The following ULK4 variants were observed in gnomAD, a reference collection of about 807,000 sequenced individuals.
ULK4 encodes unc-51 like kinase 4.
Under a neutral mutation model 160.6 loss-of-function variants are expected in ULK4, and 133 were observed. That is an observed-to-expected ratio of 0.83 (90% CI 0.72 to 0.96). The LOEUF is 0.96. ULK4 is among the 40% of genes least tolerant of loss of function. The pLI, the probability that ULK4 is intolerant of heterozygous loss-of-function variation, is 0.00. For synonymous variants in ULK4, 534 were observed against 539.8 expected (o/e 0.99, Z 0.15); for missense variants, 1,580 against 1,499.5 (o/e 1.05, Z -0.89).
At chr3:41,924,576 C>T (rs1226877971) in intron 5 of ULK4, among the ~76,000 whole-genome samples, 1 of 152,128 alleles carries the variant, frequency 6.6e-6, no homozygotes, top group Non-Finnish European at 1.5e-5. Context: ...TACCATTGAC[C>T]TTGTTTTCTA....
chr3:41,432,724 A>T (rs1336711032), intron 34 of ULK4, among the ~76,000 whole-genome samples: 2 of 152,252 alleles, frequency 1.3e-5, no homozygotes, highest in Non-Finnish European at 2.9e-5. Context: ...CAAAGAAATG[A>T]TAATTTCATA....
chr3:41,514,224 G>A (rs574110409), intron 32 of ULK4, among the ~76,000 whole-genome samples: 2 of 152,140 alleles, frequency 1.3e-5, no homozygotes, highest in Non-Finnish European at 2.9e-5. Context: ...AGAGAACTGA[G>A]CCCAGTTAAA....
At chr3:41,939,186 A>C (rs1045199249) in intron 2 of ULK4, among the ~76,000 whole-genome samples, 4 of 146,222 alleles carry the variant, frequency 2.7e-5, no homozygotes, top group Non-Finnish European at 6.0e-5. Flanking sequence ...TTTGAGGAGG[A>C]GTCTCGCTCT....
At chr3:41,492,403 G>C (rs2084810897) in intron 32 of ULK4, among the ~76,000 whole-genome samples, 1 of 151,152 alleles carries the variant, frequency 6.6e-6, no homozygotes, top group African/African-American at 2.4e-5. Context: ...GTTGTTTCCT[G>C]CCCTAAAAGA....
chr3:41,370,861 C>A (rs1000555258), intron 35 of ULK4, among the ~76,000 whole-genome samples: 5 of 152,208 alleles, frequency 3.3e-5, no homozygotes, highest in Non-Finnish European at 7.3e-5. Flanking sequence ...GCGGATTCTA[C>A]CCCCATGGAG....
chr3:41,798,279 A>G (rs537911446), intron 20 of ULK4, among the ~76,000 whole-genome samples: 16 of 152,364 alleles, frequency 1.1e-4, no homozygotes, highest in African/African-American at 3.6e-4. Context: ...GATTTTTCTA[A>G]AGGCTCAGGA....
intron 35 of ULK4, among the ~76,000 whole-genome samples, chr3:41,392,655 A>G (rs921074614): frequency 1.3e-5 from 2 of 152,116 alleles, no homozygotes; most frequent in African/African-American, 4.8e-5. Flanking sequence ...CAGGGCTTTA[A>G]AAGAGATGAC....
intron 35 of ULK4, among the ~76,000 whole-genome samples, chr3:41,314,197 T>C (rs1437035049): frequency 6.6e-6 from 1 of 152,232 alleles, no homozygotes; most frequent in Admixed American, 6.5e-5. Flanking sequence ...ATTGGGTTGT[T>C]TTAAATATTT....
intron 19 of ULK4, among the ~76,000 whole-genome samples, chr3:41,815,654 G>A (rs1042649687): frequency 1.3e-5 from 2 of 152,200 alleles, no homozygotes; most frequent in African/African-American, 2.4e-5. Context: ...GATCAGTGGG[G>A]TAGCAGGGAG....
intron 35 of ULK4, among the ~76,000 whole-genome samples, chr3:41,286,790 A>T (rs551127719): frequency 2.6e-5 from 4 of 152,120 alleles, no homozygotes; most frequent in Non-Finnish European, 4.4e-5. Context: ...TCCTCTCTCC[A>T]TGCACCATTC....
chr3:41,794,978 A>G (rs4973893), intron 20 of ULK4, among the ~76,000 whole-genome samples: 132,203 of 152,188 alleles, frequency 0.87, 57,847 homozygotes, highest in African/African-American at 0.97. Flanking sequence ...AGATGGAACC[A>G]AAGAGGTAGG....
At chr3:41,502,315 A>T (rs2085238771) in intron 32 of ULK4, among the ~76,000 whole-genome samples, 1 of 152,212 alleles carries the variant, frequency 6.6e-6, no homozygotes, top group Non-Finnish European at 1.5e-5. Context: ...ATTTCCACTA[A>T]CAGCATACAA....
intron 17 of ULK4, among the ~76,000 whole-genome samples, chr3:41,838,746 A>G (rs1219172303): frequency 6.6e-6 from 1 of 152,266 alleles, no homozygotes; most frequent in Non-Finnish European, 1.5e-5. Context: ...TATGTGAAGC[A>G]AAAACTGATC....
intron 34 of ULK4, among the ~76,000 whole-genome samples, chr3:41,436,253 G>A (rs1443357437): frequency 6.6e-6 from 1 of 152,186 alleles, no homozygotes; most frequent in Non-Finnish European, 1.5e-5. Flanking sequence ...AAGCTATGAT[G>A]TTTGGTAGGT....
chr3:41,918,203 A>G (rs1699039538), intron 7 of ULK4, among the ~76,000 whole-genome samples: 1 of 152,190 alleles, frequency 6.6e-6, no homozygotes, highest in Admixed American at 6.5e-5. Flanking sequence ...TAAGTCTTTA[A>G]GCCATACTTT....
intron 22 of ULK4, among the ~76,000 whole-genome samples, chr3:41,738,318 A>G (rs1238771263): frequency 6.6e-6 from 1 of 151,848 alleles, no homozygotes; most frequent in African/African-American, 2.4e-5. Flanking sequence ...GTTGGGTGCT[A>G]TTGACTTGGC....
At chr3:41,677,298 G>C (rs1379723158) in intron 29 of ULK4, among the ~76,000 whole-genome samples, 1 of 150,588 alleles carries the variant, frequency 6.6e-6, no homozygotes, top group South Asian at 2.1e-4. Context: ...ATCCACATGT[G>C]ATAGGCACTA....
chr3:41,372,547 A>G (rs946702351), intron 35 of ULK4, among the ~76,000 whole-genome samples: 5 of 152,214 alleles, frequency 3.3e-5, no homozygotes, highest in African/African-American at 9.6e-5. Flanking sequence ...ACTAAGCTTC[A>G]TAAGTAAAGG....
chr3:41,731,015 G>A lies in ULK4; in HGVS notation c.2322-13154C>T, dbSNP rs528683688. Among the ~76,000 whole-genome samples the A allele has an allele frequency of 3.9e-5, 6 of 152,132 alleles. 1 individual carries two copies. The South Asian group carries it at 1.2e-3, about 32-fold the overall frequency. ...AAAAACTCTCCACAAATTAGGCATAGAAGGAATGTTTGTACCTCAACCCAA... is the reference window on the plus strand; with the variant it reads ...AAAAACTCTCCACAAATTAGGCATAAAAGGAATGTTTGTACCTCAACCCAA... On this transcript the variant is annotated intron_variant, in intron 22 of 36. Coordinates refer to ENST00000301831, the MANE Select transcript of ULK4 (RefSeq NM_017886.4).
Sources: allele counts gnomAD v4.1 joint callset (sites outside exome capture counted in the v4.1 genomes callset), GRCh38; gene constraint gnomAD v4.1.1; transcripts MANE v1.5; gene names NCBI Gene and HGNC (gene_info 2026-07-23, HGNC 2026-07-21).